The following STK3 variants were observed in gnomAD, a reference collection of about 807,000 sequenced individuals.
STK3 encodes serine/threonine-protein kinase 3.
In STK3, 41 loss-of-function variants were observed where a neutral mutation model predicts 58.0. That is an observed-to-expected ratio of 0.71 (90% CI 0.55 to 0.92). STK3 has a LOEUF of 0.92. Among genes scored for constraint, STK3 ranks in the 40% least tolerant of loss-of-function variants. The pLI is 0.00. For synonymous variants in STK3, 170 were observed against 191.0 expected (o/e 0.89, Z 0.91); for missense variants, 479 against 602.7 (o/e 0.79, Z 2.15).
chr8:98,382,955 GAAAT>G (rs1221013269), intron 1 of STK3, among the ~76,000 whole-genome samples: 6 of 152,130 alleles, frequency 3.9e-5, no homozygotes, highest in Non-Finnish European at 7.4e-5. Context: ...GAAGAGGAAA[GAAAT>G]CCAGGCCCCA....
At chr8:98,940,085 G>T (rs908257754) in intron 1 of STK3, among the ~76,000 whole-genome samples, 4 of 152,146 alleles carry the variant, frequency 2.6e-5, no homozygotes, top group African/African-American at 9.7e-5. Flanking sequence ...ACCGGAAGGC[G>T]AAAGCACGCT....
intron 1 of STK3, chr8:98,942,301 C>A (rs1322511871): frequency 6.6e-6 from 1 of 152,322 alleles, no homozygotes; most frequent in Non-Finnish European, 1.5e-5. Flanking sequence ...ATCGAGGCGG[C>A]AGGGCCAGCA....
chr8:98,476,449 T>C (rs1226367461), intron 10 of STK3, among the ~76,000 whole-genome samples: 3 of 152,180 alleles, frequency 2.0e-5, no homozygotes, highest in African/African-American at 7.2e-5. Flanking sequence ...CCAGCAGTCT[T>C]AGACGGCTAT....
chr8:98,548,206 C>G (rs776690912), intron 8 of STK3, 45 bp from the exon 9 acceptor site: 18 of 1,360,708 alleles, frequency 1.3e-5, no homozygotes, highest in African/African-American at 1.5e-5. Flanking sequence ...TCTATGACAG[C>G]TGGATTTCTT....
At position 98,526,897 on chromosome 8, in the gene STK3, C is replaced by T. The variant is rs1825782383; in HGVS notation, c.1162G>A (p.Val388Ile). The T allele has an allele frequency of 1.3e-6, 2 of 1,571,622 alleles. No individual in the cohort carries two copies. Among genetic ancestry groups the T allele is most frequent in the Non-Finnish European group, 8.6e-7 (1 of 1,156,846 alleles). ...TAGTCCATGAAAGATGGTCTTTGTA[C>T]TTGTGGTGAGGTTGCATTTCCTTAG... Reference protein sequence around the residue: ...TMKRNATSPQVQRPSFMDYFD... With the variant: ...TMKRNATSPQIQRPSFMDYFD... The change falls in exon 10 of 11, where the codon GTA becomes ATA. Residue 388 changes from valine to isoleucine, a missense_variant. Physicochemically the swap from Val to Ile is conservative, Grantham distance 29. This residue lies in a region of STK3 where 309 missense variants were observed against 355.7 expected (regional missense o/e 0.87). Coordinates refer to ENST00000419617, the MANE Select transcript of STK3 (RefSeq NM_006281.4).
chr8:98,411,953 C>T (rs571311030), intron 3 of STK3, among the ~76,000 whole-genome samples: 27 of 152,296 alleles, frequency 1.8e-4, no homozygotes, highest in Non-Finnish European at 2.9e-4. Flanking sequence ...GCCATTTTGC[C>T]TCTTTCTGTT....
intron 6 of STK3, among the ~76,000 whole-genome samples, chr8:98,700,741 C>T (rs1183333955): frequency 6.6e-6 from 1 of 152,126 alleles, no homozygotes; most frequent in Non-Finnish European, 1.5e-5. Context: ...TTTCTATTTT[C>T]TTTCCTTTGC....
intron 8 of STK3, among the ~76,000 whole-genome samples, chr8:98,578,896 A>G (rs780020100): frequency 1.3e-5 from 2 of 152,186 alleles, no homozygotes; most frequent in Non-Finnish European, 2.9e-5. Context: ...CACACCTGTA[A>G]TCCCAGCATT....
rs1454217403 is a variant in STK3 at position 98,668,998 on chromosome 8, T to TTTC, written c.684+37468_684+37469insGAA. On this transcript the variant is annotated intron_variant, in intron 6 of 10. Transcript: ENST00000419617. ...CCAAATTAATCTTGTCTTTTTTTTT[T>TTTC]TTTTTTTTTTGAGATGGAGTCTTGC... Among the ~76,000 whole-genome samples the TTTC allele has an allele frequency of 1.1e-3, 167 of 148,194 alleles. 1 individual carries two copies. The highest frequency in any genetic ancestry group is 3.4e-3 in the Middle Eastern group (1 of 290).
rs186668330 is a variant in STK3, at chr8:98,771,622, T to C, written c.107+3117A>G. The stretch of plus-strand genomic sequence containing the variant: ...CTGTGTCACCCAGGCCAGAGTGCAA[T>C]GGCACAATCTCGGCTCACTGCAACC... On this transcript the variant is annotated intron_variant, in intron 2 of 10. Transcript: ENST00000419617. Among the ~76,000 whole-genome samples, 1,207 of 152,168 alleles carry C rather than the reference T, an allele frequency of 7.9e-3. 9 individuals are homozygous for C. The highest frequency in any genetic ancestry group is 0.017 in the South Asian group (84 of 4,816).
chr8:98,872,385 G>A lies in STK3; in HGVS notation c.110+11262C>T, dbSNP rs538796524. ...AATGAATTAGGGAGGATTCACTCTT[G>A]TTCTATTGATTGGAGTAGTTTCAGA... On this transcript the variant is annotated intron_variant, in intron 3 of 12. Coordinates refer to the STK3 transcript ENST00000523601. Among the ~76,000 whole-genome samples the A allele has an allele frequency of 4.6e-5, 7 of 152,224 alleles. No individual in the cohort carries two copies. The South Asian group carries it at 1.5e-3, about 32-fold the overall frequency.
At chr8:98,918,766 C>G (rs535484737) in intron 1 of STK3, among the ~76,000 whole-genome samples, 27 of 151,956 alleles carry the variant, frequency 1.8e-4, no homozygotes, top group African/African-American at 5.8e-4. Flanking sequence ...GAGACCCTGT[C>G]TCAAAAAGAC....
At chr8:98,413,235 G>C (rs926209446) in intron 3 of STK3, 3 of 321,046 alleles carry the variant, frequency 9.3e-6, no homozygotes, top group Non-Finnish European at 1.8e-5. Flanking sequence ...GGCTGGTCTC[G>C]GACTCCTGAA....
intron 6 of STK3, among the ~76,000 whole-genome samples, chr8:98,671,082 G>A (rs557585183): frequency 6.6e-6 from 1 of 151,748 alleles, no homozygotes; most frequent in African/African-American, 2.4e-5. Flanking sequence ...TAAAGGAAAA[G>A]TCAATATAAG....
chr8:98,719,656 T>A (rs1827259731), intron 4 of STK3, among the ~76,000 whole-genome samples: 2 of 152,238 alleles, frequency 1.3e-5, no homozygotes, highest in Admixed American at 1.3e-4. Context: ...AGAGGCAATC[T>A]TCACTAAATA....
intron 10 of STK3, among the ~76,000 whole-genome samples, chr8:98,494,679 A>AG (rs1271753459): frequency 2.0e-5 from 3 of 150,464 alleles, no homozygotes; most frequent in Non-Finnish European, 3.0e-5. Flanking sequence ...AAAAAAAAAA[A>AG]AGAGAGAGAG....
intron 8 of STK3, among the ~76,000 whole-genome samples, chr8:98,558,812 A>G (rs866810663): frequency 6.6e-6 from 1 of 152,018 alleles, no homozygotes. Context: ...CATAAATTGT[A>G]TTTTTATTGT....
chr8:98,417,055 C>T (rs1341472064), intron 3 of STK3, among the ~76,000 whole-genome samples: 1 of 152,148 alleles, frequency 6.6e-6, no homozygotes, highest in Non-Finnish European at 1.5e-5. Flanking sequence ...CCCAGGTGGG[C>T]CTAGAATGGA....
intron 6 of STK3, among the ~76,000 whole-genome samples, chr8:98,614,845 G>C (rs943360406): frequency 1.5e-4 from 23 of 152,178 alleles, no homozygotes; most frequent in Non-Finnish European, 2.6e-4. Context: ...GCACAAAGCA[G>C]TCTGAGATCA....
Sources: allele counts gnomAD v4.1 joint callset (sites outside exome capture counted in the v4.1 genomes callset), GRCh38; gene constraint gnomAD v4.1.1; regional missense constraint gnomAD v4.1.1; transcripts MANE v1.5; gene names NCBI Gene and HGNC (gene_info 2026-07-23, HGNC 2026-07-21).